The following KCNN2 variants were observed in gnomAD, a reference collection of about 807,000 sequenced individuals.
The protein encoded by KCNN2 is small conductance calcium-activated potassium channel protein 2.
KCNN2 carries 24 observed loss-of-function variants against 55.5 expected under a neutral mutation model. The observed-to-expected ratio is 0.43, with a 90% CI of 0.31 to 0.61. The LOEUF (loss-of-function observed/expected upper bound fraction) is 0.61. Ranked by LOEUF, KCNN2 falls within the 20% of genes least tolerant of loss-of-function variation. The probability of loss-of-function intolerance (pLI) is 0.08; values close to 1 mark genes in which losing one functional copy is unlikely to be tolerated. For synonymous variants in KCNN2, 431 were observed against 336.1 expected (o/e 1.28, Z -3.09); for missense variants, 754 against 853.6 (o/e 0.88, Z 1.45).
At chr5:114,453,538 A>G (rs899883997) in intron 3 of KCNN2, among the ~76,000 whole-genome samples, 2 of 152,206 alleles carry the variant, frequency 1.3e-5, no homozygotes, top group Non-Finnish European at 2.9e-5. Flanking sequence ...CTTTAGAGAT[A>G]GATGTGTGCC....
intron 2 of KCNN2, among the ~76,000 whole-genome samples, chr5:114,299,872 C>T (rs1340610246): frequency 6.6e-6 from 1 of 152,058 alleles, no homozygotes; most frequent in Non-Finnish European, 1.5e-5. Flanking sequence ...CATCTACCAC[C>T]CTCAGTCATT....
chr5:114,370,656 A>G (rs1293376187), intron 2 of KCNN2, among the ~76,000 whole-genome samples: 1 of 152,052 alleles, frequency 6.6e-6, no homozygotes, highest in Non-Finnish European at 1.5e-5. Context: ...ACCTGTGTGA[A>G]GGCCTTATGA....
intron 3 of KCNN2, among the ~76,000 whole-genome samples, chr5:114,417,949 A>G (rs1294759997): frequency 1.3e-5 from 2 of 152,172 alleles, no homozygotes; most frequent in Admixed American, 6.5e-5. Context: ...ATCTAATCCT[A>G]TCAGGCCAAG....
intron 2 of KCNN2, among the ~76,000 whole-genome samples, chr5:114,376,472 A>G (rs948353150): frequency 1.3e-5 from 2 of 152,198 alleles, no homozygotes; most frequent in Non-Finnish European, 2.9e-5. Flanking sequence ...CAAAACTCTA[A>G]TTATGACATG....
At chr5:114,090,540 T>A (rs1356669705) in intron 1 of KCNN2, among the ~76,000 whole-genome samples, 1 of 149,174 alleles carries the variant, frequency 6.7e-6, no homozygotes, top group Non-Finnish European at 1.5e-5. Context: ...CCTCTCTTTC[T>A]CTCTTCCTCT....
At chr5:114,414,254 C>A (rs527632485) in intron 3 of KCNN2, among the ~76,000 whole-genome samples, 1 of 152,260 alleles carries the variant, frequency 6.6e-6, no homozygotes, top group East Asian at 1.9e-4. Flanking sequence ...TTCGATGGAT[C>A]TGCCTTCTAT....
intron 2 of KCNN2, among the ~76,000 whole-genome samples, chr5:114,323,159 C>T (rs1248885480): frequency 6.6e-6 from 1 of 152,196 alleles, no homozygotes; most frequent in Non-Finnish European, 1.5e-5. Context: ...CCCCGGTTTA[C>T]ATTACAGGTA....
chr5:114,454,871 G>A (rs1341888697), intron 3 of KCNN2, among the ~76,000 whole-genome samples: 1 of 152,170 alleles, frequency 6.6e-6, no homozygotes, highest in Non-Finnish European at 1.5e-5. Flanking sequence ...ACTTCCACGG[G>A]TTCTATGACA....
chr5:114,209,443 G>A (rs954925371), intron 1 of KCNN2, among the ~76,000 whole-genome samples: 5 of 151,792 alleles, frequency 3.3e-5, no homozygotes, highest in Non-Finnish European at 7.4e-5. Flanking sequence ...TGTGAAATCC[G>A]TGGACCCTTT....
intron 3 of KCNN2, among the ~76,000 whole-genome samples, chr5:114,428,599 G>C (rs1159124796): frequency 6.6e-6 from 1 of 151,996 alleles, no homozygotes. Flanking sequence ...TAATGTCTTT[G>C]TGAAAATTAT....
At chr5:114,059,997 C>T (rs1395356942) in intron 1 of KCNN2, among the ~76,000 whole-genome samples, 1 of 152,198 alleles carries the variant, frequency 6.6e-6, no homozygotes, top group South Asian at 2.1e-4. Flanking sequence ...TTGACAGTCA[C>T]CAGGTAATTA....
chr5:114,446,275 G>C (rs1760403674), intron 3 of KCNN2, among the ~76,000 whole-genome samples: 1 of 152,090 alleles, frequency 6.6e-6, no homozygotes, highest in Non-Finnish European at 1.5e-5. Context: ...AATTGGGGAA[G>C]GTATTATATC....
At chr5:114,176,713 C>T (rs559564793) in intron 1 of KCNN2, among the ~76,000 whole-genome samples, 1 of 152,226 alleles carries the variant, frequency 6.6e-6, no homozygotes, top group African/African-American at 2.4e-5. Flanking sequence ...AGATGTTAAA[C>T]TAATCCAAAG....
intron 1 of KCNN2, among the ~76,000 whole-genome samples, chr5:114,130,350 T>C (rs1263588168): frequency 2.0e-5 from 3 of 152,208 alleles, no homozygotes; most frequent in Non-Finnish European, 4.4e-5. Flanking sequence ...CTAGTAGAAC[T>C]TAAGTGGGTC....
At chr5:114,135,556 C>T (rs909771254) in intron 1 of KCNN2, among the ~76,000 whole-genome samples, 3 of 152,050 alleles carry the variant, frequency 2.0e-5, no homozygotes, top group Non-Finnish European at 4.4e-5. Context: ...CTAAAAATAC[C>T]AATATCAGGG....
chr5:114,368,493 G>A (rs982094464), intron 2 of KCNN2, among the ~76,000 whole-genome samples: 2 of 152,062 alleles, frequency 1.3e-5, no homozygotes, highest in African/African-American at 4.8e-5. Context: ...GGGGAGGGGT[G>A]GTCCCTGTCT....
intron 2 of KCNN2, among the ~76,000 whole-genome samples, chr5:114,246,430 A>G (rs1435505517): frequency 6.6e-6 from 1 of 152,170 alleles, no homozygotes; most frequent in Non-Finnish European, 1.5e-5. Flanking sequence ...GGTTATGAAT[A>G]CTTATCTACC....
intron 2 of KCNN2, among the ~76,000 whole-genome samples, chr5:114,338,930 C>A (rs1756970754): frequency 6.6e-6 from 1 of 152,166 alleles, no homozygotes; most frequent in African/African-American, 2.4e-5. Flanking sequence ...AGAGAGAAAA[C>A]CCAGAAAAAG....
chr5:114,293,801 G>A (rs910025265), intron 2 of KCNN2, among the ~76,000 whole-genome samples: 90 of 152,226 alleles, frequency 5.9e-4, no homozygotes, highest in Non-Finnish European at 1.2e-3. Flanking sequence ...GGTAGAATTC[G>A]GCTGTGAATC....
Sources: gnomAD v4.1 joint callset for allele counts (sites outside exome capture counted in the v4.1 genomes callset) on GRCh38, gnomAD v4.1.1 for gene constraint, MANE v1.5 for transcripts, NCBI Gene and HGNC (gene_info 2026-07-23, HGNC 2026-07-21) for gene names.